DPP4: variants seen among roughly 807,000 people sequenced by gnomAD.
DPP4 encodes the protein ADCP-2.
Under a neutral mutation model 122.4 loss-of-function variants are expected in DPP4, and 93 were observed. The ratio of observed to expected loss-of-function variants is 0.76; its 90% CI spans 0.64 to 0.90. DPP4 has a LOEUF of 0.90. Ranked by LOEUF, DPP4 falls within the 40% of genes least tolerant of loss-of-function variation. The pLI, the probability that DPP4 is intolerant of heterozygous loss-of-function variation, is 0.00. For missense variants in DPP4, 914 were observed against 907.3 expected (o/e 1.01, Z -0.09); for synonymous variants, 321 against 302.9 (o/e 1.06, Z -0.62).
chr2:162,033,220 C>T (rs750925281), intron 10 of DPP4, among the ~76,000 whole-genome samples: 2 of 152,178 alleles, frequency 1.3e-5, no homozygotes, highest in African/African-American at 4.8e-5. Context: ...CTCAGGTTTT[C>T]TTCACCACAT....
chr2:162,038,956 T>C lies in DPP4; in HGVS notation c.485A>G (p.His162Arg), dbSNP rs780877255. The C allele has an allele frequency of 6.2e-7, 1 of 1,613,400 alleles. No individual in the cohort carries two copies. The highest frequency in any genetic ancestry group is 1.7e-4 in the Middle Eastern group (1 of 6,060). The change falls in exon 7 of 26, where the codon CAT becomes CGT. Residue 162 changes from histidine to arginine, a missense_variant. Transcript: ENST00000360534. ...CTGGAGAGACTCACTAACCAATTTA[T>C]GACCCACTGGTGACCATGTGACCCA... ...TQWVTWSPVGHKLAYVWNNDI... is the reference protein window; with the variant it reads ...TQWVTWSPVGRKLAYVWNNDI...
At chr2:162,070,461 T>C (rs1685078242) in intron 2 of DPP4, among the ~76,000 whole-genome samples, 1 of 152,190 alleles carries the variant, frequency 6.6e-6, no homozygotes, top group Non-Finnish European at 1.5e-5. Flanking sequence ...GGCTTCCTCC[T>C]TCCTTTTGGC....
chr2:161,995,278 AG>A (rs1276516352), intron 24 of DPP4, 21 bp downstream of exon 24: 1 of 1,607,998 alleles, frequency 6.2e-7, no homozygotes, highest in South Asian at 1.1e-5. Context: ...GATACTAAAA[AG>A]TCTAATTAAC....
In DPP4 at chr2:162,054,129, G is replaced by A. The variant is rs373346075; in HGVS notation, c.95-6628C>T. ...GTCAAAGATTATTTTTAAACCTCAA[G>A]ATGTAATGTTGTTTACCCTGTTGGG... On this transcript the variant is annotated intron_variant, in intron 2 of 25. Coordinates refer to ENST00000360534, the MANE Select transcript of DPP4 (RefSeq NM_001935.4). 4.1e-4 allele frequency among the ~76,000 whole-genome samples: 62 copies of A among 152,294 alleles called. 1 individual carries two copies. Among genetic ancestry groups the A allele is most frequent in the African/African-American group, 1.4e-3 (59 of 41,556 alleles).
In DPP4 at chr2:162,073,985, C is replaced by T. The variant is rs767065692; in HGVS notation, c.-4G>A. 1.1e-5 allele frequency: 18 copies of T among 1,611,910 alleles called. No homozygotes were observed. The highest frequency in any genetic ancestry group is 1.4e-5 in the Non-Finnish European group (16 of 1,179,104). ...GTGGCGCGGCACTCACCTTCATCGTCGGCGTCTCCTCGGAAGTGAGCGTTC... is the reference window on the plus strand; with the variant it reads ...GTGGCGCGGCACTCACCTTCATCGTTGGCGTCTCCTCGGAAGTGAGCGTTC... On this transcript the variant is annotated 5_prime_UTR_variant, in exon 1 of 26. Transcript: ENST00000360534.
Position 162,024,884 on chromosome 2 carries a change from A to G in DPP4, c.943T>C (p.Trp315Arg). Residue 315 changes from tryptophan to arginine, a missense_variant, in exon 11 of 26, where the codon TGG becomes CGG. Trp to Arg is a moderately radical substitution (Grantham distance 101). Transcript: ENST00000360534. ...GAATAGTTCTGAATCCTCCTGAGCC[A>G]CTGCAAAGAAATTCTTTCTTGTGTT... is the stretch of plus-strand genomic sequence containing the variant. ...WATQERISLQWLRRIQNYSVM... is the reference protein window; with the variant it reads ...WATQERISLQRLRRIQNYSVM... 1.2e-6 allele frequency: 2 copies of G among 1,613,972 alleles called. No individual in the cohort carries two copies. The highest frequency in any genetic ancestry group is 2.2e-5 in the East Asian group (1 of 44,874).
At chr2:162,008,520 T>C (rs1701340115) in intron 22 of DPP4, 42 bp downstream of exon 22, 3 of 1,553,200 alleles carry the variant, frequency 1.9e-6, no homozygotes. Context: ...CATTTTGAGG[T>C]CAACACTCCG....
chr2:161,995,333 C>T lies in DPP4; in HGVS notation c.2092G>A (p.Val698Ile), dbSNP rs758441966. Residue 698 changes from valine (V) to isoleucine (I), a missense_variant, in exon 24 of 26, where the codon GTT (valine) becomes ATT (isoleucine). Coordinates refer to ENST00000360534, the MANE Select transcript of DPP4 (RefSeq NM_001935.4). ...VMSRAENFKQ[V>I]EYLLIHGTAD... ...GTTCCATGAATAAGGAGGTACTCAACTTGTTTAAAATTTTCAGCTCTGCTC... is the reference window on the plus strand; with the variant it reads ...GTTCCATGAATAAGGAGGTACTCAATTTGTTTAAAATTTTCAGCTCTGCTC... 33 of 1,614,048 alleles carry T rather than the reference C, an allele frequency of 2.0e-5. No homozygotes were observed. The highest frequency in any genetic ancestry group is 2.8e-5 in the Non-Finnish European group (33 of 1,179,956).
intron 11 of DPP4, 137 bp downstream of exon 11, chr2:162,024,667 G>A (rs1357887355): frequency 8.5e-7 from 1 of 1,169,620 alleles, no homozygotes; most frequent in African/African-American, 1.5e-5. Context: ...AGATTTTATT[G>A]CCTCAGGATC....
At chr2:162,003,252 C>T (rs1445920687) in intron 23 of DPP4, among the ~76,000 whole-genome samples, 2 of 151,944 alleles carry the variant, frequency 1.3e-5, no homozygotes. Flanking sequence ...TCTCATGCAG[C>T]GAACACCTAA....
chr2:162,022,571 T>G (rs766220118), intron 12 of DPP4, among the ~76,000 whole-genome samples, 184 bp downstream of exon 12: 1 of 152,220 alleles, frequency 6.6e-6, no homozygotes, highest in East Asian at 1.9e-4. Flanking sequence ...TTTTTCCAAC[T>G]GTGTGTGTTA....
intron 7 of DPP4, among the ~76,000 whole-genome samples, chr2:162,038,693 C>T (rs144559790): frequency 9.9e-5 from 15 of 152,038 alleles, no homozygotes; most frequent in African/African-American, 3.4e-4. Context: ...ATGAGAAGAC[C>T]GAGAAGGCTG....
intron 19 of DPP4, 93 bp downstream of exon 19, chr2:162,014,303 G>T (rs1211980277): frequency 8.5e-5 from 83 of 975,672 alleles, no homozygotes; most frequent in Non-Finnish European, 4.7e-6. Context: ...AAGAGGGAAA[G>T]GACGCATTTG....
intron 2 of DPP4, among the ~76,000 whole-genome samples, chr2:162,055,556 C>T (rs1378834543): frequency 6.6e-6 from 1 of 151,876 alleles, no homozygotes; most frequent in African/African-American, 2.4e-5. Flanking sequence ...AAAAGTCATC[C>T]TGGCATGGTG....
chr2:162,035,731 G>C (rs1283166142), intron 8 of DPP4, among the ~76,000 whole-genome samples: 1 of 152,060 alleles, frequency 6.6e-6, no homozygotes, highest in Non-Finnish European at 1.5e-5. Context: ...AGTTTGTACT[G>C]AGCCCGCAGG....
intron 2 of DPP4, among the ~76,000 whole-genome samples, chr2:162,062,598 C>G (rs1426484912): frequency 6.6e-6 from 1 of 152,216 alleles, no homozygotes; most frequent in African/African-American, 2.4e-5. Flanking sequence ...TTCTCATTTA[C>G]TTGTTGACTA....
chr2:162,001,469 G>A (rs1016870897), intron 23 of DPP4, among the ~76,000 whole-genome samples: 2 of 152,226 alleles, frequency 1.3e-5, no homozygotes, highest in East Asian at 3.9e-4. Flanking sequence ...TGGATACTTT[G>A]TCATATTCAA....
intron 23 of DPP4, among the ~76,000 whole-genome samples, chr2:161,996,357 G>A (rs1159110514): frequency 6.6e-6 from 1 of 152,206 alleles, no homozygotes; most frequent in Non-Finnish European, 1.5e-5. Flanking sequence ...GGGTTTAAAA[G>A]CAGCCAGCTC....
At chr2:162,033,340 G>C (rs1025191790) in intron 10 of DPP4, among the ~76,000 whole-genome samples, 2 of 152,096 alleles carry the variant, frequency 1.3e-5, no homozygotes, top group Non-Finnish European at 2.9e-5. Context: ...TCTGTCCATT[G>C]TCATCCTCAT....
Sources: gnomAD v4.1 joint callset for allele counts (sites outside exome capture counted in the v4.1 genomes callset) on GRCh38, gnomAD v4.1.1 for gene constraint, MANE v1.5 for transcripts, NCBI Gene and HGNC (gene_info 2026-07-23, HGNC 2026-07-21) for gene names.